The following TRPC7 variants were observed in gnomAD, a reference collection of about 807,000 sequenced individuals.
TRPC7 encodes transient receptor potential cation channel subfamily C member 7.
In TRPC7, 42 loss-of-function variants were observed where a neutral mutation model predicts 90.1. That is an observed-to-expected ratio of 0.47 (90% CI 0.36 to 0.60). TRPC7 has a LOEUF of 0.60. Among genes scored for constraint, TRPC7 ranks in the 20% least tolerant of loss-of-function variants. The pLI is 0.00. For missense variants in TRPC7, 955 were observed against 1,112.3 expected (o/e 0.86, Z 2.01); for synonymous variants, 451 against 436.3 (o/e 1.03, Z -0.42).
chr5:136,321,551 TAATA>T lies in TRPC7; in HGVS notation c.781-5776_781-5773del, dbSNP rs1237611877. On this transcript the variant is annotated intron_variant, in intron 2 of 11. Transcript: ENST00000513104. The stretch of plus-strand genomic sequence containing the variant: ...CATGTCAAATGCTCAGGATAGTTAA[TAATA>T]AATAACACAAATAACAAGATAAAAA... 4.6e-5 allele frequency among the ~76,000 whole-genome samples: 7 copies of T among 152,264 alleles called. No individual in the cohort carries two copies. The East Asian group carries it at 1.2e-3, about 25-fold the overall frequency.
chr5:136,264,018 A>C (rs1365710776), intron 5 of TRPC7, among the ~76,000 whole-genome samples: 1 of 152,254 alleles, frequency 6.6e-6, no homozygotes, highest in Non-Finnish European at 1.5e-5. Flanking sequence ...TCTAGGAAAG[A>C]AAAAGTAATT....
rs150978054 is a variant in TRPC7 at position 136,263,325 on chromosome 5, G to A, written c.1345+2895C>T. Among the ~76,000 whole-genome samples the A allele has an allele frequency of 2.7e-3, 414 of 152,268 alleles. 3 individuals are homozygous for A. The highest frequency in any genetic ancestry group is 9.3e-3 in the African/African-American group (388 of 41,560). On this transcript the variant is annotated intron_variant, in intron 5 of 11. Coordinates refer to ENST00000513104, the MANE Select transcript of TRPC7 (RefSeq NM_020389.3). The stretch of plus-strand genomic sequence containing the variant: ...TACATGGATCAAACTCATCACAAGT[G>A]GCATAACAGCCTGTCAGAATAATGC...
At chr5:136,335,386 C>G (rs1759622051) in intron 2 of TRPC7, among the ~76,000 whole-genome samples, 1 of 152,212 alleles carries the variant, frequency 6.6e-6, no homozygotes. Flanking sequence ...GCCCTTGGAG[C>G]TGGAAACCCT....
chr5:136,243,985 G>C (rs1756251451), intron 7 of TRPC7, among the ~76,000 whole-genome samples: 1 of 151,928 alleles, frequency 6.6e-6, no homozygotes, highest in Admixed American at 6.6e-5. Flanking sequence ...CATTCAGTTT[G>C]CCTTTCCCCA....
chr5:136,315,199 G>A (rs185996429), intron 3 of TRPC7, among the ~76,000 whole-genome samples: 64 of 152,296 alleles, frequency 4.2e-4, no homozygotes, highest in Non-Finnish European at 6.8e-4. Context: ...GGCACACAGA[G>A]GAAGCTCAAT....
chr5:136,306,185 T>C (rs1758621725), intron 3 of TRPC7, among the ~76,000 whole-genome samples: 1 of 152,220 alleles, frequency 6.6e-6, no homozygotes, highest in Admixed American at 6.5e-5. Flanking sequence ...CTCTTAACTC[T>C]TGAAGTAAAT....
At chr5:136,338,540 A>C (rs1446709825) in intron 2 of TRPC7, among the ~76,000 whole-genome samples, 1 of 152,206 alleles carries the variant, frequency 6.6e-6, no homozygotes, top group Non-Finnish European at 1.5e-5. Context: ...ACATGTTTTG[A>C]AAGAAAGCCC....
rs770102293 is a variant in TRPC7, at chr5:136,356,939, T to G, written c.449A>C (p.Asp150Ala). 24 of 1,612,992 alleles carry G rather than the reference T, an allele frequency of 1.5e-5. No individual in the cohort carries two copies. Among genetic ancestry groups the G allele is most frequent in the Non-Finnish European group, 1.9e-5 (23 of 1,179,746 alleles). ...GCCGTCCTCGTCGTAGGCATAGAAGTCGTCGTCGCGCAGCTCCTGTTCCAG... is the reference window on the plus strand; with the variant it reads ...GCCGTCCTCGTCGTAGGCATAGAAGGCGTCGTCGCGCAGCTCCTGTTCCAG... ...SPLEQELRDD[D>A]FYAYDEDGTR... Residue 150 changes from aspartate (D) to alanine (A), a missense_variant, in exon 2 of 12, where the codon GAC becomes GCC. Physicochemically the swap from Asp to Ala is moderately radical, Grantham distance 126 (BLOSUM62 -2). This residue lies in a region of TRPC7 where 484 missense variants were observed against 509.6 expected (regional missense o/e 0.95). Coordinates refer to ENST00000513104, the MANE Select transcript of TRPC7 (RefSeq NM_020389.3).
intron 3 of TRPC7, among the ~76,000 whole-genome samples, chr5:136,306,711 C>T (rs2149834819): frequency 6.6e-6 from 1 of 152,180 alleles, no homozygotes; most frequent in South Asian, 2.1e-4. Flanking sequence ...GTTTCTGCCC[C>T]ACCCTAACTG....
chr5:136,296,301 T>C (rs1758169484), intron 3 of TRPC7, among the ~76,000 whole-genome samples: 1 of 152,216 alleles, frequency 6.6e-6, no homozygotes, highest in Non-Finnish European at 1.5e-5. Flanking sequence ...AAAGTGCAGA[T>C]GAAACCAGGT....
At chr5:136,304,318 C>T (rs1215138253) in intron 3 of TRPC7, among the ~76,000 whole-genome samples, 1 of 152,170 alleles carries the variant, frequency 6.6e-6, no homozygotes, top group East Asian at 1.9e-4. Context: ...CCACAGCACT[C>T]TTTAAAAGGA....
chr5:136,300,740 T>C (rs1490019599), intron 3 of TRPC7, among the ~76,000 whole-genome samples: 1 of 152,158 alleles, frequency 6.6e-6, no homozygotes, highest in Non-Finnish European at 1.5e-5. Flanking sequence ...TCTGGATTGT[T>C]TACATAGGCT....
rs373589265 is a variant in TRPC7 at position 136,216,289 on chromosome 5, C to G, written c.2344-14G>C. On this transcript the variant is annotated splice_polypyrimidine_tract_variant and intron_variant, in intron 10 of 11. Coordinates refer to ENST00000513104, the MANE Select transcript of TRPC7 (RefSeq NM_020389.3). ...TTTCATGATTTTCTGAAATGCCAAGCAAGGAAGGGATCAGACAGGGCTGGC... is the reference window on the plus strand; with the variant it reads ...TTTCATGATTTTCTGAAATGCCAAGGAAGGAAGGGATCAGACAGGGCTGGC... The G allele has an allele frequency of 1.7e-4, 267 of 1,606,604 alleles. No homozygotes were observed. The highest frequency in any genetic ancestry group is 2.2e-4 in the Non-Finnish European group (258 of 1,175,792).
chr5:136,250,474 C>T (rs1441044731), intron 6 of TRPC7, among the ~76,000 whole-genome samples: 1 of 152,144 alleles, frequency 6.6e-6, no homozygotes, highest in Admixed American at 6.5e-5. Context: ...ACTAAGTGTC[C>T]AGCTGCTTTT....
At chr5:136,253,638 A>G (rs1756597762) in intron 5 of TRPC7, among the ~76,000 whole-genome samples, 1 of 152,154 alleles carries the variant, frequency 6.6e-6, no homozygotes, top group African/African-American at 2.4e-5. Context: ...TAATCAATAA[A>G]TGTTTTGTGT....
intron 3 of TRPC7, among the ~76,000 whole-genome samples, chr5:136,281,575 C>G (rs1318439543): frequency 6.6e-6 from 1 of 152,148 alleles, no homozygotes; most frequent in Non-Finnish European, 1.5e-5. Context: ...CTCTGCAGGC[C>G]TTGCTGGTGG....
At chr5:136,317,787 G>A (rs1186574114) in intron 2 of TRPC7, among the ~76,000 whole-genome samples, 1 of 152,218 alleles carries the variant, frequency 6.6e-6, no homozygotes, top group African/African-American at 2.4e-5. Flanking sequence ...GGTGGGTATA[G>A]GAGAGAAAGT....
intron 3 of TRPC7, among the ~76,000 whole-genome samples, chr5:136,291,713 G>C (rs1292740668): frequency 6.6e-6 from 1 of 152,132 alleles, no homozygotes; most frequent in East Asian, 1.9e-4. Flanking sequence ...ACACCCCACT[G>C]TCAACATTAG....
intron 5 of TRPC7, among the ~76,000 whole-genome samples, chr5:136,254,211 A>G (rs921167634): frequency 2.0e-5 from 3 of 152,262 alleles, no homozygotes; most frequent in African/African-American, 7.2e-5. Context: ...TCTAGCTAAG[A>G]TAATTGATAA....
Sources: gnomAD v4.1 joint callset for allele counts (sites outside exome capture counted in the v4.1 genomes callset) on GRCh38, gnomAD v4.1.1 for gene constraint, gnomAD v4.1.1 regional missense constraint, MANE v1.5 for transcripts, NCBI Gene and HGNC (gene_info 2026-07-23, HGNC 2026-07-21) for gene names.